CTNNA3: variants seen among roughly 807,000 people sequenced by gnomAD.
CTNNA3 encodes the protein catenin alpha 3, also known as catenin alpha-3.
Under a neutral mutation model 95.7 loss-of-function variants are expected in CTNNA3, and 76 were observed. That is an observed-to-expected ratio of 0.79 (90% CI 0.66 to 0.96). CTNNA3 has a LOEUF of 0.96. CTNNA3 is among the 40% of genes least tolerant of loss of function. The pLI, the probability that CTNNA3 is intolerant of heterozygous loss-of-function variation, is 0.00. For missense variants in CTNNA3, 1,191 were observed against 1,089.8 expected (o/e 1.09, Z -1.31); for synonymous variants, 431 against 374.4 (o/e 1.15, Z -1.74).
rs1254270158 is a variant in CTNNA3 at position 66,695,915 on chromosome 10, A to AAG, written c.1281+70347_1281+70348dup. On this transcript the variant is annotated intron_variant, in intron 9 of 17. Coordinates refer to ENST00000433211, the MANE Select transcript of CTNNA3 (RefSeq NM_013266.4). ...TCTAAAAATTGGGTGAAAGAGACGT[A>AAG]AGGGGGGGGGGCAATAAAAATGTAT... Among the ~76,000 whole-genome samples, 30 of 34,370 alleles carry AAG rather than the reference A, an allele frequency of 8.7e-4. 1 individual carries two copies. In the Admixed American group the frequency reaches 0.01, roughly 12 times the overall value. 22.5% of individuals were successfully genotyped at this position (34,370 alleles called of 152,430 possible).
intron 1 of CTNNA3, among the ~76,000 whole-genome samples, chr10:67,717,613 T>G (rs1052285031): frequency 6.6e-6 from 1 of 151,866 alleles, no homozygotes; most frequent in African/African-American, 2.4e-5. Flanking sequence ...GGTTTGTCAA[T>G]GATCAGATGG....
intron 5 of CTNNA3, among the ~76,000 whole-genome samples, chr10:67,470,256 C>A (rs1008974323): frequency 1.3e-5 from 2 of 152,144 alleles, no homozygotes; most frequent in African/African-American, 4.8e-5. Flanking sequence ...CAGTCCCAAC[C>A]ATGTTTTGCA....
rs115723636 is a variant in CTNNA3 at position 66,769,398 on chromosome 10, C to A, written c.1129-2982G>T. ...AAGTGTAACTAATTCAACCAACCCA[C>A]AATATTCTCACCAGTCTAACCATTC... On this transcript the variant is annotated intron_variant, in intron 8 of 17. Coordinates refer to ENST00000433211, the MANE Select transcript of CTNNA3 (RefSeq NM_013266.4). Among the ~76,000 whole-genome samples, 1,067 of 149,346 alleles carry A rather than the reference C, an allele frequency of 7.1e-3. 7 individuals are homozygous for A. The highest frequency in any genetic ancestry group is 0.025 in the African/African-American group (1,013 of 40,352).
chr10:67,457,073 ATAT>A (rs1447754560), intron 5 of CTNNA3, among the ~76,000 whole-genome samples: 3 of 152,176 alleles, frequency 2.0e-5, no homozygotes, highest in African/African-American at 7.2e-5. Flanking sequence ...AGGATTTATA[ATAT>A]TAGATAGAAA....
intron 5 of CTNNA3, among the ~76,000 whole-genome samples, chr10:67,301,925 C>G (rs556210169): frequency 2.0e-5 from 3 of 149,468 alleles, no homozygotes; most frequent in Admixed American, 6.7e-5. Flanking sequence ...GCGGAGATCG[C>G]GCCACTGCAC....
At chr10:67,055,801 G>A (rs892955301) in intron 7 of CTNNA3, among the ~76,000 whole-genome samples, 2 of 152,094 alleles carry the variant, frequency 1.3e-5, no homozygotes, top group African/African-American at 4.8e-5. Flanking sequence ...GATATCAGGG[G>A]TGTCTTAAAT....
At chr10:66,404,458 T>C (rs1257582090) in intron 11 of CTNNA3, among the ~76,000 whole-genome samples, 3 of 152,160 alleles carry the variant, frequency 2.0e-5, no homozygotes, top group African/African-American at 7.2e-5. Flanking sequence ...CGCATACTTA[T>C]TGAGATTCTA....
In CTNNA3 at chr10:67,641,751, G is replaced by A. The variant is rs891456722; in HGVS notation, c.99+5664C>T. 1.0e-3 allele frequency among the ~76,000 whole-genome samples: 152 copies of A among 152,108 alleles called. 1 individual carries two copies. The highest frequency in any genetic ancestry group is 3.3e-3 in the African/African-American group (137 of 41,502). On this transcript the variant is annotated intron_variant, in intron 2 of 17. Coordinates refer to ENST00000433211, the MANE Select transcript of CTNNA3 (RefSeq NM_013266.4). ...AAACCATCATTCTCAGCAAACTATC[G>A]CAAGGACAAAAAACCAAACACCACG...
chr10:67,711,573 A>T (rs7085362), intron 1 of CTNNA3, among the ~76,000 whole-genome samples: 1 of 131,658 alleles, frequency 7.6e-6, no homozygotes, highest in African/African-American at 3.3e-5. Context: ...GAAGAAATTT[A>T]TTTATTTATT....
intron 4 of CTNNA3, among the ~76,000 whole-genome samples, chr10:67,532,943 A>G (rs1840378210): frequency 6.6e-6 from 1 of 152,164 alleles, no homozygotes; most frequent in African/African-American, 2.4e-5. Context: ...TGCTGCCAAA[A>G]GCCATGTTTT....
At chr10:67,639,652 TCCA>T (rs199755668) in intron 2 of CTNNA3, among the ~76,000 whole-genome samples, 20,019 of 151,754 alleles carry the variant, frequency 0.13, 2,340 homozygotes, top group African/African-American at 0.32. Flanking sequence ...AAAAACCTTA[TCCA>T]CCATGATCTA....
intron 1 of CTNNA3, among the ~76,000 whole-genome samples, chr10:67,733,609 A>T (rs968547898): frequency 6.6e-5 from 10 of 152,368 alleles, no homozygotes; most frequent in South Asian, 2.1e-4. Flanking sequence ...ATCCTTAGAA[A>T]ATAGTTTAGC....
chr10:66,919,213 A>ATG (rs1846664516), intron 7 of CTNNA3, among the ~76,000 whole-genome samples: 1 of 151,532 alleles, frequency 6.6e-6, no homozygotes, highest in Non-Finnish European at 1.5e-5. Flanking sequence ...TATTGCACTT[A>ATG]TGTGGGAAGA....
intron 9 of CTNNA3, among the ~76,000 whole-genome samples, chr10:66,743,988 A>G (rs953893376): frequency 7.7e-5 from 11 of 142,042 alleles, no homozygotes; most frequent in East Asian, 2.4e-4. Context: ...AAAAAAAAAA[A>G]AAAAAAAAAA....
At chr10:67,664,270 T>C (rs1840273879) in intron 1 of CTNNA3, among the ~76,000 whole-genome samples, 1 of 152,204 alleles carries the variant, frequency 6.6e-6, no homozygotes, top group East Asian at 1.9e-4. Context: ...TTCTTTAATC[T>C]CTCTTCTGAA....
chr10:67,059,530 G>A (rs1564862129), intron 7 of CTNNA3, among the ~76,000 whole-genome samples: 2 of 152,180 alleles, frequency 1.3e-5, no homozygotes, highest in Non-Finnish European at 1.5e-5. Flanking sequence ...TAATAAGGAT[G>A]ATATGTCGTC....
intron 2 of CTNNA3, among the ~76,000 whole-genome samples, chr10:67,641,342 A>G (rs1229924601): frequency 6.6e-6 from 1 of 152,194 alleles, no homozygotes; most frequent in Non-Finnish European, 1.5e-5. Context: ...GCAATCATTA[A>G]AAAGTCAGGA....
At chr10:66,578,362 G>T (rs1214822055) in intron 10 of CTNNA3, among the ~76,000 whole-genome samples, 1 of 151,904 alleles carries the variant, frequency 6.6e-6, no homozygotes, top group Non-Finnish European at 1.5e-5. Flanking sequence ...TATTGAATAG[G>T]AATGGTGAGT....
At chr10:66,822,481 T>G (rs1481324822) in intron 7 of CTNNA3, among the ~76,000 whole-genome samples, 2 of 152,204 alleles carry the variant, frequency 1.3e-5, no homozygotes, top group African/African-American at 4.8e-5. Flanking sequence ...TTTTCAATAT[T>G]TACAAGTACA....
Sources: allele counts gnomAD v4.1 joint callset (sites outside exome capture counted in the v4.1 genomes callset), GRCh38; gene constraint gnomAD v4.1.1; transcripts MANE v1.5; gene names NCBI Gene and HGNC (gene_info 2026-07-23, HGNC 2026-07-21).